The following STAP1 variants were observed in gnomAD, a reference collection of about 807,000 sequenced individuals.
STAP1 encodes signal-transducing adaptor protein 1.
A neutral mutation model predicts 37.8 loss-of-function variants in STAP1; 30 were observed. The ratio of observed to expected loss-of-function variants is 0.79; its 90% confidence interval spans 0.59 to 1.08. The LOEUF is 1.08. STAP1 is among the 50% of genes least tolerant of loss of function. The pLI is 0.00. For synonymous variants in STAP1, 130 were observed against 116.0 expected (o/e 1.12, Z -0.78); for missense variants, 357 against 349.4 (o/e 1.02, Z -0.17).
intron 7 of STAP1, among the ~76,000 whole-genome samples, chr4:67,592,663 G>C (rs186331918): frequency 1.3e-5 from 2 of 152,090 alleles, no homozygotes; most frequent in Non-Finnish European, 2.9e-5. Flanking sequence ...GCATTTTCTA[G>C]CTAACTTGAG....
chr4:67,602,995 G>C (rs755281823), intron 8 of STAP1, among the ~76,000 whole-genome samples: 1 of 152,182 alleles, frequency 6.6e-6, no homozygotes, highest in Admixed American at 6.5e-5. Context: ...CACCAGACCA[G>C]AGTGAATCAA....
At chr4:67,590,527 A>G (rs144072133) in intron 6 of STAP1, among the ~76,000 whole-genome samples, 37 of 152,280 alleles carry the variant, frequency 2.4e-4, no homozygotes, top group African/African-American at 8.4e-4. Context: ...GATTTTATAT[A>G]CCTACATAGA....
chr4:67,604,352 T>G (rs113145478), intron 8 of STAP1, among the ~76,000 whole-genome samples: 2 of 152,288 alleles, frequency 1.3e-5, no homozygotes, highest in South Asian at 2.1e-4. Context: ...CTCACCGGAT[T>G]TTTGGTTCTT....
At chr4:67,580,508 T>C (rs538587016) in intron 4 of STAP1, among the ~76,000 whole-genome samples, 3 of 152,326 alleles carry the variant, frequency 2.0e-5, no homozygotes, top group Non-Finnish European at 2.9e-5. Context: ...CTTTCTTGTA[T>C]ACCTCCTGGA....
chr4:67,605,840 G>A (rs553479616), intron 8 of STAP1, among the ~76,000 whole-genome samples: 1 of 152,296 alleles, frequency 6.6e-6, no homozygotes, highest in South Asian at 2.1e-4. Context: ...AATGGGAGTT[G>A]TAGAGCAGGT....
At chr4:67,599,299 A>T (rs1728289739) in intron 8 of STAP1, among the ~76,000 whole-genome samples, 1 of 152,206 alleles carries the variant, frequency 6.6e-6, no homozygotes, top group African/African-American at 2.4e-5. Context: ...GTCCTTCTTT[A>T]AACATTTGAT....
intron 1 of STAP1, among the ~76,000 whole-genome samples, chr4:67,564,071 A>G (rs1426064804): frequency 1.3e-5 from 2 of 152,150 alleles, no homozygotes; most frequent in African/African-American, 4.8e-5. Flanking sequence ...GATATTTATA[A>G]ATGACTCAGA....
In STAP1 at chr4:67,583,599, G is replaced by A. The variant is rs1727913553; in HGVS notation, c.556G>A (p.Glu186Lys). ...ATGTTTTTATACAGTGTCCCGGAAA[G>A]AGGCAACTGAGATGCTCCAGAAGAA... ...PACFYTVSRK[E>K]ATEMLQKNPS... The change falls in exon 6 of 9, where the codon GAG (glutamate) becomes AAG (lysine). Residue 186 changes from glutamate to lysine, a missense_variant. By Grantham distance (56) the Glu-to-Lys change is moderately conservative. Coordinates refer to ENST00000265404, the MANE Select transcript of STAP1 (RefSeq NM_012108.4). 1.2e-6 allele frequency: 2 copies of A among 1,613,418 alleles called. No individual in the cohort carries two copies. The highest frequency in any genetic ancestry group is 3.3e-5 in the Admixed American group (2 of 59,952).
At chr4:67,577,653 T>C (rs28479463) in intron 4 of STAP1, among the ~76,000 whole-genome samples, 29,716 of 102,540 alleles carry the variant, frequency 0.29, 3,433 homozygotes, top group Non-Finnish European at 0.38. Context: ...CTTTCTTTCT[T>C]TTTTTTTTTT....
chr4:67,575,291 G>A (rs180825102), intron 2 of STAP1, 94 bp from the exon 3 acceptor site: 2 of 746,066 alleles, frequency 2.7e-6, no homozygotes, highest in East Asian at 3.1e-5. Context: ...GTACTAATTA[G>A]TTGAAAGGAA....
intron 8 of STAP1, among the ~76,000 whole-genome samples, chr4:67,604,615 CCATT>C (rs1339462299): frequency 6.6e-6 from 1 of 152,206 alleles, no homozygotes; most frequent in Non-Finnish European, 1.5e-5. Context: ...GTGTTGGCAT[CCATT>C]GTCTTTTCCC....
intron 1 of STAP1, among the ~76,000 whole-genome samples, chr4:67,568,121 A>T (rs1727512460): frequency 6.6e-6 from 1 of 152,170 alleles, no homozygotes; most frequent in Non-Finnish European, 1.5e-5. Flanking sequence ...TTAAAAGCAA[A>T]ATTGAGTTAT....
At chr4:67,603,074 T>G (rs1728379169) in intron 8 of STAP1, among the ~76,000 whole-genome samples, 1 of 152,158 alleles carries the variant, frequency 6.6e-6, no homozygotes, top group Non-Finnish European at 1.5e-5. Flanking sequence ...TCTATTCTAC[T>G]GCAGCTGAGC....
chr4:67,587,729 T>C (rs1423602263), intron 6 of STAP1, among the ~76,000 whole-genome samples: 2 of 150,840 alleles, frequency 1.3e-5, no homozygotes, highest in African/African-American at 4.9e-5. Flanking sequence ...CTTTTTTTTT[T>C]TTTTTTTTGA....
At chr4:67,578,828 GA>G (rs1313586299) in intron 4 of STAP1, among the ~76,000 whole-genome samples, 4 of 120,410 alleles carry the variant, frequency 3.3e-5, no homozygotes, top group Non-Finnish European at 6.8e-5. Flanking sequence ...AAATTTATGT[GA>G]ATTTTTTTTT....
At chr4:67,583,851 C>A in intron 6 of STAP1, 149 bp downstream of exon 6, 1 of 859,782 alleles carries the variant, frequency 1.2e-6, no homozygotes, top group Non-Finnish European at 1.7e-6. Context: ...GTAATCTCAA[C>A]ACTTCGGGAG....
At chr4:67,580,101 AC>A (rs1727818026) in intron 4 of STAP1, among the ~76,000 whole-genome samples, 1 of 151,952 alleles carries the variant, frequency 6.6e-6, no homozygotes, top group South Asian at 2.1e-4. Context: ...CAAGTGATCC[AC>A]CCACCTTGGC....
At chr4:67,568,343 A>G (rs548167597) in intron 1 of STAP1, among the ~76,000 whole-genome samples, 1 of 152,332 alleles carries the variant, frequency 6.6e-6, no homozygotes, top group East Asian at 1.9e-4. Flanking sequence ...AAGTTGTAAA[A>G]CATCAGCTTA....
At position 67,590,974 on chromosome 4, in the gene STAP1, T is replaced by C. The variant is rs367933412; in HGVS notation, c.729+21T>C. On this transcript the variant is annotated intron_variant, in intron 7 of 8. Coordinates refer to ENST00000265404, the MANE Select transcript of STAP1 (RefSeq NM_012108.4). ...AACCTGTAAGTAACTATTTTTGTTG[T>C]TGTTGATGAACTTCCTCCCGATTCC... The C allele has an allele frequency of 3.1e-6, 5 of 1,595,986 alleles. No homozygotes were observed. The African/African-American group carries it at 4.0e-5, about 13-fold the overall frequency.
Sources: gnomAD v4.1 joint callset for allele counts (sites outside exome capture counted in the v4.1 genomes callset) on GRCh38, gnomAD v4.1.1 for gene constraint, MANE v1.5 for transcripts, NCBI Gene and HGNC (gene_info 2026-07-23, HGNC 2026-07-21) for gene names.